Variants in PVT1 observed in about 807,000 individuals in gnomAD.
The protein encoded by PVT1 is CXCR4/PVT1 fusion.
chr8:127,844,241 C>A (rs4484653), intron 2 of PVT1, among the ~76,000 whole-genome samples: 98,644 of 151,430 alleles, frequency 0.65, 33,623 homozygotes, highest in African/African-American at 0.86. Context: ...AAAAGGGTCT[C>A]TTTGCATGAG....
chr8:127,942,880 A>G (rs971396039), intron 3 of PVT1, among the ~76,000 whole-genome samples: 2 of 152,212 alleles, frequency 1.3e-5, no homozygotes, highest in African/African-American at 4.8e-5. Context: ...GTCATGTCCA[A>G]TGCTGAGATT....
intron 6 of PVT1, among the ~76,000 whole-genome samples, chr8:128,097,891 C>T (rs75963460): frequency 0.022 from 3,370 of 152,188 alleles, 60 homozygotes; most frequent in Non-Finnish European, 0.036. Flanking sequence ...GCATTTTGCA[C>T]CCCAGCCTGC....
In PVT1 at chr8:127,814,242, G is replaced by A. The variant is rs146503398; in HGVS notation, n.372+18171G>A. On this transcript the variant is annotated intron_variant and non_coding_transcript_variant, in intron 2 of 10. Transcript: ENST00000651587. ...CCCTTCCTCATTATTCCCAAGAAAA[G>A]AGCTTCTGGGTTTCTGGGAGAGGCT... 1.7e-3 allele frequency among the ~76,000 whole-genome samples: 256 copies of A among 152,238 alleles called. 1 individual carries two copies. Among genetic ancestry groups the A allele is most frequent in the African/African-American group, 5.9e-3 (245 of 41,524 alleles).
At position 127,957,566 on chromosome 8, in the gene PVT1, C is replaced by CAAAAAAAAAAA. The variant is rs56796489; in HGVS notation, n.783-31586_783-31576dup. ...CTGGTGACAGAGCGAGACTCCGTCTCAAAAAAAAAAAAAAAAAAAAGAAAA... is the reference window on the plus strand; with the variant it reads ...CTGGTGACAGAGCGAGACTCCGTCTCAAAAAAAAAAAAAAAAAAAAAAAAAAAAAAAGAAAA... On this transcript the variant is annotated intron_variant and non_coding_transcript_variant, in intron 3 of 10. Coordinates refer to ENST00000651587, the Ensembl canonical transcript of PVT1. Among the ~76,000 whole-genome samples the CAAAAAAAAAAA allele has an allele frequency of 1.6e-4, 15 of 91,690 alleles. 1 individual carries two copies. The highest frequency in any genetic ancestry group is 4.2e-4 in the South Asian group (1 of 2,376). 60.2% of individuals were successfully genotyped at this position (91,690 alleles called of 152,430 possible). A position where few individuals can be genotyped will look rare whatever the true frequency, so the allele number is the denominator to read the frequency against.
Position 127,957,566 on chromosome 8 carries a change from CAAAAAAAAAAAA to C in PVT1, n.783-31587_783-31576del, listed in dbSNP as rs56796489. On this transcript the variant is annotated intron_variant and non_coding_transcript_variant, in intron 3 of 10. Transcript: ENST00000651587. ...CTGGTGACAGAGCGAGACTCCGTCT[CAAAAAAAAAAAA>C]AAAAAAAAGAAAAGAAAAGAAAAAA... Among the ~76,000 whole-genome samples the C allele has an allele frequency of 2.2e-4, 20 of 91,816 alleles. No homozygotes were observed. The South Asian group carries it at 6.7e-3, about 31-fold the overall frequency. 60.2% of individuals were successfully genotyped at this position (91,816 alleles called of 152,430 possible).
chr8:128,085,998 C>T (rs1814250812), intron 5 of PVT1, among the ~76,000 whole-genome samples: 1 of 152,196 alleles, frequency 6.6e-6, no homozygotes, highest in Non-Finnish European at 1.5e-5. Flanking sequence ...CAAAAAGTGC[C>T]TTCCTTGTCA....
intron 4 of PVT1, among the ~76,000 whole-genome samples, chr8:128,003,230 TCTTC>T (rs1205666335): frequency 3.1e-5 from 4 of 130,248 alleles, no homozygotes; most frequent in African/African-American, 6.0e-5. Flanking sequence ...TCCCTCCCTT[TCTTC>T]CTTCCTTCCT....
intron 2 of PVT1, among the ~76,000 whole-genome samples, chr8:127,836,807 A>T (rs948733112): frequency 6.6e-6 from 1 of 152,168 alleles, no homozygotes; most frequent in Admixed American, 6.5e-5. Context: ...GCCTAGATTC[A>T]TACCTGGGCA....
At chr8:127,985,701 A>G (rs927034215) in intron 3 of PVT1, among the ~76,000 whole-genome samples, 2 of 152,186 alleles carry the variant, frequency 1.3e-5, no homozygotes, top group African/African-American at 4.8e-5. Flanking sequence ...GGGAAGGAAC[A>G]TATCCCAAAG....
intron 2 of PVT1, among the ~76,000 whole-genome samples, chr8:127,819,539 C>G (rs1046024644): frequency 6.6e-6 from 1 of 152,092 alleles, no homozygotes. Flanking sequence ...TTGAAAGACT[C>G]TCTATGTGTC....
At chr8:128,088,260 G>T (rs1246589378) in intron 5 of PVT1, among the ~76,000 whole-genome samples, 1 of 152,150 alleles carries the variant, frequency 6.6e-6, no homozygotes, top group East Asian at 1.9e-4. Flanking sequence ...TCTAAGCATG[G>T]ATCTCGTGAA....
rs76944321 is a variant in PVT1 at position 127,946,689 on chromosome 8, T to G, written n.783-42473T>G. 5.8e-3 allele frequency: 896 copies of G among 154,390 alleles called. 8 individuals carry two copies. The highest frequency in any genetic ancestry group is 9.9e-3 in the Middle Eastern group (19 of 1,914). The allele number at this position is 154,390 out of a possible 1,614,324, so 9.6% of individuals were successfully genotyped here. On this transcript the variant is annotated intron_variant and non_coding_transcript_variant, in intron 3 of 10. Transcript: ENST00000651587. The stretch of plus-strand genomic sequence containing the variant: ...ATCTACAAGGAAACTGAGTACAAAG[T>G]GATAGCTTTTCTGCAGAGCTTGTGC...
At chr8:127,822,818 C>T (rs992483623) in intron 2 of PVT1, among the ~76,000 whole-genome samples, 2 of 152,084 alleles carry the variant, frequency 1.3e-5, no homozygotes, top group African/African-American at 4.8e-5. Flanking sequence ...ACTCAGTTTG[C>T]CTGAGCAAAC....
At chr8:127,886,071 T>C (rs1297985315) in intron 2 of PVT1, among the ~76,000 whole-genome samples, 2 of 151,960 alleles carry the variant, frequency 1.3e-5, no homozygotes, top group Non-Finnish European at 2.9e-5. Flanking sequence ...CACTCCAGCC[T>C]GGGCAACAGA....
chr8:127,905,731 C>T (rs545321142), intron 3 of PVT1, among the ~76,000 whole-genome samples: 15 of 152,138 alleles, frequency 9.9e-5, no homozygotes, highest in Non-Finnish European at 1.5e-4. Context: ...GTTGCTGTCA[C>T]CCCCATTTCT....
chr8:128,098,871 C>G (rs1230427483), intron 6 of PVT1, among the ~76,000 whole-genome samples: 1 of 152,192 alleles, frequency 6.6e-6, no homozygotes, highest in Non-Finnish European at 1.5e-5. Context: ...TTTGTGCCCT[C>G]CTTCTCTGTT....
At chr8:128,094,625 C>T (rs1014436387) in intron 5 of PVT1, among the ~76,000 whole-genome samples, 3 of 152,228 alleles carry the variant, frequency 2.0e-5, no homozygotes, top group East Asian at 1.9e-4. Context: ...ACCTACCCAT[C>T]GTGTGTGGGT....
At chr8:128,024,085 A>C (rs1817467095) in intron 4 of PVT1, among the ~76,000 whole-genome samples, 1 of 152,236 alleles carries the variant, frequency 6.6e-6, no homozygotes, top group Non-Finnish European at 1.5e-5. Flanking sequence ...GCTACCTCAC[A>C]GCAAAGGACA....
chr8:127,988,581 G>A (rs144966064), intron 3 of PVT1, among the ~76,000 whole-genome samples: 19 of 152,334 alleles, frequency 1.2e-4, no homozygotes, highest in African/African-American at 4.3e-4. Flanking sequence ...AATCTCTAGT[G>A]AGGCTACATT....
Sources: gnomAD v4.1 joint callset for allele counts (sites outside exome capture counted in the v4.1 genomes callset) on GRCh38, gnomAD v4.1.1 for gene constraint, MANE v1.5 for transcripts, NCBI Gene and HGNC (gene_info 2026-07-23, HGNC 2026-07-21) for gene names.